Variants in DLGAP2 observed in about 807,000 individuals in gnomAD.
DLGAP2 encodes the protein disks large-associated protein 2.
Under a neutral mutation model 100.3 loss-of-function variants are expected in DLGAP2, and 26 were observed. The ratio of observed to expected loss-of-function variants is 0.26; its 90% CI spans 0.19 to 0.36. The LOEUF (loss-of-function observed/expected upper bound fraction) is 0.36. Among genes scored for constraint, DLGAP2 ranks in the 10% least tolerant of loss-of-function variants. The probability of loss-of-function intolerance (pLI) is 1.00; values close to 1 mark genes in which losing one functional copy is unlikely to be tolerated. For synonymous variants in DLGAP2, 886 were observed against 630.1 expected (o/e 1.41, Z -6.08); for missense variants, 1,858 against 1,453.2 (o/e 1.28, Z -4.53).
chr8:1,419,714 C>T (rs970515947), intron 3 of DLGAP2, among the ~76,000 whole-genome samples: 1 of 152,114 alleles, frequency 6.6e-6, no homozygotes, highest in Admixed American at 6.5e-5. Context: ...CCAAAAGTAA[C>T]AGTTCTAGCA....
intron 3 of DLGAP2, among the ~76,000 whole-genome samples, chr8:1,478,221 A>G (rs1468414): frequency 0.67 from 101,090 of 152,008 alleles, 34,060 homozygotes; most frequent in African/African-American, 0.75. Flanking sequence ...CTCCTCCTTC[A>G]GACTGGGACA....
intron 2 of DLGAP2, among the ~76,000 whole-genome samples, chr8:1,119,732 A>G (rs919185148): frequency 3.9e-5 from 6 of 152,174 alleles, no homozygotes; most frequent in African/African-American, 7.2e-5. Context: ...TTTATATCCA[A>G]TGGGGAATTT....
At chr8:738,562 C>G (rs541062089) in intron 1 of DLGAP2, 1 of 152,342 alleles carries the variant, frequency 6.6e-6, no homozygotes, top group African/African-American at 2.4e-5. Context: ...GTTGCTGTCT[C>G]CGGCTCCTTC....
intron 2 of DLGAP2, among the ~76,000 whole-genome samples, chr8:1,177,960 G>T (rs1043233079): frequency 6.6e-6 from 1 of 152,212 alleles, no homozygotes. Context: ...CTCAGTGATC[G>T]ACATCTCCAA....
chr8:1,440,293 C>T (rs1052454997), intron 3 of DLGAP2, among the ~76,000 whole-genome samples: 1 of 152,134 alleles, frequency 6.6e-6, no homozygotes, highest in African/African-American at 2.4e-5. Context: ...CAGGGTGTTA[C>T]AGTTTATTGA....
intron 6 of DLGAP2, among the ~76,000 whole-genome samples, chr8:1,589,327 G>C (rs1280460119): frequency 6.6e-6 from 1 of 152,162 alleles, no homozygotes; most frequent in East Asian, 1.9e-4. Context: ...TAATAAATTT[G>C]TCATCAACAG....
chr8:1,690,827 C>G (rs1799241630), intron 12 of DLGAP2, among the ~76,000 whole-genome samples: 1 of 151,678 alleles, frequency 6.6e-6, no homozygotes, highest in Non-Finnish European at 1.5e-5. Context: ...ATAGCACACT[C>G]AGAAATGTAG....
chr8:1,324,955 G>C (rs1435095173), intron 3 of DLGAP2, among the ~76,000 whole-genome samples: 1 of 152,200 alleles, frequency 6.6e-6, no homozygotes, highest in Non-Finnish European at 1.5e-5. Flanking sequence ...CCTGGAGGCA[G>C]ACTCGGGATG....
chr8:1,706,806 C>A lies in DLGAP2; in HGVS notation c.*5400C>A, dbSNP rs191528309. The A allele has an allele frequency of 6.6e-6, 1 of 152,308 alleles. No individual in the cohort carries two copies. The highest frequency in any genetic ancestry group is 1.9e-4 in the East Asian group (1 of 5,174). The allele number at this position is 152,308 out of a possible 1,614,324, so 9.4% of individuals were successfully genotyped here. On this transcript the variant is annotated 3_prime_UTR_variant, in exon 15 of 15. Transcript: ENST00000637795. ...AAATCAGACACACTGACTCAAACCACGCAAGGGTTTGAGAAGCCCACCCCT... is the reference window on the plus strand; with the variant it reads ...AAATCAGACACACTGACTCAAACCAAGCAAGGGTTTGAGAAGCCCACCCCT...
Position 974,615 on chromosome 8 carries a change from A to G in DLGAP2, c.73+66649A>G, listed in dbSNP as rs538366605. Among the ~76,000 whole-genome samples the G allele has an allele frequency of 2.0e-5, 3 of 152,352 alleles. No individual in the cohort carries two copies. The South Asian group carries it at 6.2e-4, about 32-fold the overall frequency. On this transcript the variant is annotated intron_variant, in intron 2 of 14. Transcript: ENST00000637795. Reference sequence around the variant, plus strand: ...AAAGATAGCCAGAAGTTTCCAAAATATATAGATACTAAACAACATACTTCT... The same window carrying G: ...AAAGATAGCCAGAAGTTTCCAAAATGTATAGATACTAAACAACATACTTCT...
rs186914727 is a variant in DLGAP2 at position 819,434 on chromosome 8, G to T, written c.18+81609G>T. ...CAGGAGTAAGTGGGAAAATGCTAAA[G>T]TATGGAGCAAAGCGGCAATGCCACA... On this transcript the variant is annotated intron_variant, in intron 1 of 14. Coordinates refer to ENST00000637795, the MANE Select transcript of DLGAP2 (RefSeq NM_001346810.2). Among the ~76,000 whole-genome samples the T allele has an allele frequency of 3.9e-3, 592 of 152,318 alleles. 9 individuals carry two copies. The highest frequency in any genetic ancestry group is 2.7e-3 in the Non-Finnish European group (185 of 68,032).
chr8:1,104,534 A>G (rs559715420), intron 2 of DLGAP2, among the ~76,000 whole-genome samples: 1 of 152,336 alleles, frequency 6.6e-6, no homozygotes, highest in South Asian at 2.1e-4. Flanking sequence ...TCTTGACTTA[A>G]TTGATCCTGA....
intron 2 of DLGAP2, among the ~76,000 whole-genome samples, chr8:1,108,398 C>T (rs1340540224): frequency 3.3e-5 from 5 of 152,210 alleles, no homozygotes. Context: ...TGCAGGGCGG[C>T]CTGTGATTGA....
intron 3 of DLGAP2, among the ~76,000 whole-genome samples, chr8:1,480,925 C>T (rs562519783): frequency 2.9e-4 from 44 of 152,036 alleles, no homozygotes; most frequent in African/African-American, 9.4e-4. Context: ...GTAATCCCAG[C>T]ACTTTGGGAG....
chr8:1,174,716 C>G (rs1270617373), intron 2 of DLGAP2, among the ~76,000 whole-genome samples: 2 of 152,034 alleles, frequency 1.3e-5, no homozygotes, highest in Non-Finnish European at 2.9e-5. Context: ...ATCACCATCA[C>G]CACCATCATT....
chr8:1,307,205 C>G (rs1460252952), intron 3 of DLGAP2, among the ~76,000 whole-genome samples: 2 of 151,780 alleles, frequency 1.3e-5, no homozygotes, highest in African/African-American at 4.8e-5. Flanking sequence ...TAATCTGATT[C>G]AAAAATGGGC....
At chr8:883,652 G>T (rs1401860681) in intron 1 of DLGAP2, among the ~76,000 whole-genome samples, 1 of 151,406 alleles carries the variant, frequency 6.6e-6, no homozygotes, top group Non-Finnish European at 1.5e-5. Context: ...TGCCGCGGCG[G>T]TTCGTTACGT....
chr8:1,528,373 A>G (rs1413835242), intron 4 of DLGAP2, among the ~76,000 whole-genome samples: 1 of 152,242 alleles, frequency 6.6e-6, no homozygotes, highest in Non-Finnish European at 1.5e-5. Flanking sequence ...CCCCAGTGCC[A>G]GGGATGAGGG....
chr8:1,343,836 G>A (rs188915082), intron 3 of DLGAP2, among the ~76,000 whole-genome samples: 69 of 152,142 alleles, frequency 4.5e-4, no homozygotes, highest in Admixed American at 3.6e-3. Flanking sequence ...ACCCGTGACA[G>A]AGCAGATGAT....
Sources: gnomAD v4.1 joint callset for allele counts (sites outside exome capture counted in the v4.1 genomes callset) on GRCh38, gnomAD v4.1.1 for gene constraint, MANE v1.5 for transcripts, NCBI Gene and HGNC (gene_info 2026-07-23, HGNC 2026-07-21) for gene names.